Variants in NRXN1 observed in about 807,000 individuals in gnomAD.
NRXN1 encodes the protein neurexin-1.
A neutral mutation model predicts 150.9 loss-of-function variants in NRXN1; 39 were observed. The observed-to-expected ratio is 0.26, with a 90% CI of 0.20 to 0.34. The LOEUF is 0.34. Ranked by LOEUF, NRXN1 falls within the 10% of genes least tolerant of loss-of-function variation. The pLI, the probability that NRXN1 is intolerant of heterozygous loss-of-function variation, is 1.00. For synonymous variants in NRXN1, 924 were observed against 757.0 expected (o/e 1.22, Z -3.62); for missense variants, 1,815 against 1,949.9 (o/e 0.93, Z 1.30).
rs564051639 is a variant in NRXN1 at position 50,154,218 on chromosome 2, T to C, written c.3547-62724A>G. ...CTAATCTACATATAGTTTCTTCAGA[T>C]AAAGATCTGAATAAAAAAAAGACTA... On this transcript the variant is annotated intron_variant, in intron 18 of 22. Transcript: ENST00000401669. 3.0e-4 allele frequency among the ~76,000 whole-genome samples: 45 copies of C among 151,802 alleles called. 1 individual carries two copies. The highest frequency in any genetic ancestry group is 1.9e-3 in the Admixed American group (29 of 15,182).
rs538676307 is a variant in NRXN1, at chr2:50,153,734, T to C, written c.3547-62240A>G. 2.6e-5 allele frequency among the ~76,000 whole-genome samples: 4 copies of C among 151,858 alleles called. No homozygotes were observed. In the East Asian group the frequency reaches 7.8e-4, roughly 30 times the overall value. On this transcript the variant is annotated intron_variant, in intron 18 of 22. Transcript: ENST00000401669. Reference sequence around the variant, plus strand: ...AAGAAAAGAAGAAAAATAAAGTGTGTGTGGGAAAGTTACCAGGCCTTTAAA... The same window carrying C: ...AAGAAAAGAAGAAAAATAAAGTGTGCGTGGGAAAGTTACCAGGCCTTTAAA...
intron 5 of NRXN1, among the ~76,000 whole-genome samples, chr2:50,683,359 G>A (rs184527458): frequency 5.9e-4 from 90 of 151,424 alleles, no homozygotes; most frequent in Non-Finnish European, 9.6e-4. Flanking sequence ...CAGGCCAGGC[G>A]CAGTGGCTTA....
At chr2:50,474,298 A>G (rs1338759584) in intron 15 of NRXN1, among the ~76,000 whole-genome samples, 3 of 151,750 alleles carry the variant, frequency 2.0e-5, no homozygotes, top group South Asian at 2.1e-4. Flanking sequence ...AAAATCCTAG[A>G]CTCTTCGAGG....
At chr2:50,004,014 T>TA (rs1684360807) in intron 21 of NRXN1, among the ~76,000 whole-genome samples, 1 of 151,814 alleles carries the variant, frequency 6.6e-6, no homozygotes, top group Non-Finnish European at 1.5e-5. Context: ...TGCACTGAGG[T>TA]AAAAAAGCCA....
intron 5 of NRXN1, among the ~76,000 whole-genome samples, chr2:50,798,506 C>G (rs1011604538): frequency 6.6e-6 from 1 of 152,100 alleles, no homozygotes; most frequent in Non-Finnish European, 1.5e-5. Context: ...ATTCCATGGA[C>G]CCTTAAAATT....
At chr2:50,605,892 C>T (rs757598076) in intron 8 of NRXN1, among the ~76,000 whole-genome samples, 2 of 152,062 alleles carry the variant, frequency 1.3e-5, no homozygotes, top group South Asian at 4.1e-4. Context: ...AGCACACAAC[C>T]TAAATATCCA....
intron 5 of NRXN1, among the ~76,000 whole-genome samples, chr2:50,853,193 G>A (rs562542638): frequency 3.9e-5 from 6 of 152,076 alleles, no homozygotes; most frequent in Admixed American, 6.5e-5. Flanking sequence ...TTGCACAAAC[G>A]AAACTTTTAC....
chr2:50,566,024 G>A (rs559544575), intron 8 of NRXN1, among the ~76,000 whole-genome samples: 5 of 152,236 alleles, frequency 3.3e-5, no homozygotes, highest in African/African-American at 1.2e-4. Flanking sequence ...GAAATGGGGA[G>A]GGCTGTGCTC....
At chr2:50,955,020 A>C (rs1324587334) in intron 2 of NRXN1, among the ~76,000 whole-genome samples, 1 of 152,130 alleles carries the variant, frequency 6.6e-6, no homozygotes, top group Admixed American at 6.5e-5. Context: ...TGGGAAGATA[A>C]AAAAAGGGAA....
intron 5 of NRXN1, among the ~76,000 whole-genome samples, chr2:50,885,969 G>A (rs1680179348): frequency 6.6e-6 from 1 of 151,150 alleles, no homozygotes; most frequent in Non-Finnish European, 1.5e-5. Flanking sequence ...AAATATCTAA[G>A]GGAATTCACC....
At chr2:50,749,934 C>T (rs926633003) in intron 5 of NRXN1, among the ~76,000 whole-genome samples, 50 of 151,966 alleles carry the variant, frequency 3.3e-4, no homozygotes, top group African/African-American at 1.1e-3. Flanking sequence ...AATTTAAAAG[C>T]TTATTACAGG....
chr2:50,894,865 T>C (rs1285479465), intron 5 of NRXN1, among the ~76,000 whole-genome samples: 2 of 152,180 alleles, frequency 1.3e-5, no homozygotes, highest in African/African-American at 4.8e-5. Flanking sequence ...TATACCACGA[T>C]GTAATCTAAC....
chr2:50,258,624 G>C (rs2067951902), intron 17 of NRXN1, among the ~76,000 whole-genome samples: 1 of 151,912 alleles, frequency 6.6e-6, no homozygotes, highest in African/African-American at 2.4e-5. Context: ...CGTCTTCCCT[G>C]AGTCACAGAT....
intron 17 of NRXN1, among the ~76,000 whole-genome samples, chr2:50,379,048 CA>C (rs1472198875): frequency 6.6e-6 from 1 of 150,936 alleles, no homozygotes; most frequent in African/African-American, 2.4e-5. Context: ...AGCAGGCATT[CA>C]AAAAACATTT....
chr2:50,469,100 C>G (rs1183316820), intron 16 of NRXN1, among the ~76,000 whole-genome samples: 1 of 151,590 alleles, frequency 6.6e-6, no homozygotes, highest in Non-Finnish European at 1.5e-5. Flanking sequence ...ATAACAGCAT[C>G]AGCATCACTT....
rs527984415 is a variant in NRXN1, at chr2:50,100,250, T to A, written c.3547-8756A>T. On this transcript the variant is annotated intron_variant, in intron 18 of 22. Transcript: ENST00000401669. ...CTTCCCAAGAAAGTATAATCTCTGA[T>A]GGAAGCGCTTGCCATTATTGGGAAG... 2.8e-3 allele frequency among the ~76,000 whole-genome samples: 422 copies of A among 152,198 alleles called. 2 individuals carry two copies. Among genetic ancestry groups the A allele is most frequent in the African/African-American group, 9.6e-3 (400 of 41,558 alleles).
At chr2:50,068,340 T>C (rs1695684951) in intron 19 of NRXN1, among the ~76,000 whole-genome samples, 2 of 152,234 alleles carry the variant, frequency 1.3e-5, no homozygotes, top group Non-Finnish European at 2.9e-5. Context: ...ACCATTTTTT[T>C]CTTTTTGTAG....
chr2:50,921,866 T>C lies in NRXN1; in HGVS notation c.832+3A>G. On this transcript the variant is annotated splice_donor_region_variant and intron_variant, in intron 5 of 22. Coordinates refer to ENST00000401669, the MANE Select transcript of NRXN1 (RefSeq NM_001330078.2). ...ATTAAGAAGAAATAAAATAATGTAATACCTTTACTTTTACCTATGGATTTG... is the reference window on the plus strand; with the variant it reads ...ATTAAGAAGAAATAAAATAATGTAACACCTTTACTTTTACCTATGGATTTG... 7.3e-7 allele frequency: 1 copy of C among 1,370,206 alleles called. No individual in the cohort carries two copies. Among genetic ancestry groups the C allele is most frequent in the Non-Finnish European group, 9.8e-7 (1 of 1,019,088 alleles). The allele number at this position is 1,370,206 out of a possible 1,614,324, so 84.9% of individuals were successfully genotyped here. A position where few individuals can be genotyped will look rare whatever the true frequency, so the allele number is the denominator to read the frequency against.
intron 19 of NRXN1, among the ~76,000 whole-genome samples, chr2:50,066,155 T>C (rs903617964): frequency 1.3e-5 from 2 of 152,140 alleles, no homozygotes; most frequent in African/African-American, 4.8e-5. Context: ...ATAGCTCGGC[T>C]AGATGTTAGA....
Sources: allele counts gnomAD v4.1 joint callset (sites outside exome capture counted in the v4.1 genomes callset), GRCh38; gene constraint gnomAD v4.1.1; transcripts MANE v1.5; gene names NCBI Gene and HGNC (gene_info 2026-07-23, HGNC 2026-07-21).